AAK1: variants seen among roughly 807,000 people sequenced by gnomAD.
The protein encoded by AAK1 is AP2-associated protein kinase 1.
A neutral mutation model predicts 116.0 loss-of-function variants in AAK1; 37 were observed. The ratio of observed to expected loss-of-function variants is 0.32; its 90% confidence interval spans 0.25 to 0.42. The LOEUF (loss-of-function observed/expected upper bound fraction) is 0.42. Ranked by LOEUF, AAK1 falls within the 10% of genes least tolerant of loss-of-function variation. The pLI, the probability that AAK1 is intolerant of heterozygous loss-of-function variation, is 1.00. For synonymous variants in AAK1, 458 were observed against 439.9 expected, an observed-to-expected ratio of 1.04 and a Z score of -0.51; for missense variants, 919 against 1,170.6, an observed-to-expected ratio of 0.79 and a Z score of 3.14.
chr2:69,479,399 G>C (rs992291941), intron 19 of AAK1, among the ~76,000 whole-genome samples: 1 of 152,174 alleles, frequency 6.6e-6, no homozygotes, highest in African/African-American at 2.4e-5. Context: ...CATAGAAATA[G>C]AGGATAATTT....
chr2:69,596,381 C>T (rs1237774734), intron 2 of AAK1, among the ~76,000 whole-genome samples: 2 of 152,058 alleles, frequency 1.3e-5, no homozygotes, highest in African/African-American at 4.8e-5. Context: ...GCCACCACGC[C>T]CAGCTAATTT....
At position 69,475,554 on chromosome 2, in the gene AAK1, CT is replaced by C; in HGVS notation, c.*314del. 1 of 1,092,996 alleles carries C rather than the reference CT, an allele frequency of 9.1e-7. No individual in the cohort carries two copies. Among genetic ancestry groups the C allele is most frequent in the Non-Finnish European group, 1.1e-6 (1 of 897,832 alleles). The allele number at this position is 1,092,996 out of a possible 1,614,324, so 67.7% of individuals were successfully genotyped here. A position where few individuals can be genotyped will look rare whatever the true frequency, so the allele number is the denominator to read the frequency against. ...TTCACTAGTTTCAGTTACAGTTAAG[CT>C]TTTGGTGGAGTTGATTCCAGCAGAG... On this transcript the variant is annotated 3_prime_UTR_variant, in exon 22 of 22. Transcript: ENST00000409085.
In AAK1 at chr2:69,461,004, C is replaced by G. The variant is rs560170456; in HGVS notation, c.*14865G>C. 13 of 152,248 alleles carry G rather than the reference C, an allele frequency of 8.5e-5. No individual in the cohort carries two copies. The South Asian group carries it at 2.7e-3, about 32-fold the overall frequency. 9.4% of individuals were successfully genotyped at this position (152,248 alleles called of 1,614,324 possible). On this transcript the variant is annotated 3_prime_UTR_variant, in exon 22 of 22. Coordinates refer to ENST00000409085, the MANE Select transcript of AAK1 (RefSeq NM_014911.5). ...ATGTGTAAAGCAAAAACACAACAAA[C>G]GAAAACAAGAAAGTAGAGTTGTTTG...
At chr2:69,574,965 G>A (rs1672241816) in intron 2 of AAK1, among the ~76,000 whole-genome samples, 1 of 150,176 alleles carries the variant, frequency 6.7e-6, no homozygotes, top group African/African-American at 2.4e-5. Context: ...TCCAGCCTGG[G>A]TGACAGGGCG....
intron 2 of AAK1, among the ~76,000 whole-genome samples, chr2:69,629,501 T>C (rs1436352882): frequency 6.6e-6 from 1 of 152,254 alleles, no homozygotes; most frequent in Non-Finnish European, 1.5e-5. Flanking sequence ...TTCTGAAAGA[T>C]GTTCTACTTT....
At chr2:69,530,374 T>G (rs1320465665) in intron 7 of AAK1, among the ~76,000 whole-genome samples, 1 of 152,250 alleles carries the variant, frequency 6.6e-6, no homozygotes, top group Non-Finnish European at 1.5e-5. Flanking sequence ...TTACCTGTTT[T>G]GCTCTTAAGA....
chr2:69,524,863 C>T (rs1415621257), intron 10 of AAK1, among the ~76,000 whole-genome samples, 170 bp downstream of exon 10: 1 of 152,188 alleles, frequency 6.6e-6, no homozygotes, highest in Admixed American at 6.5e-5. Flanking sequence ...CATGATATTC[C>T]TTTTTGCATT....
In AAK1 at chr2:69,470,693, G is replaced by A. The variant is rs2104870696; in HGVS notation, c.*5176C>T. The A allele has an allele frequency of 3.0e-6, 3 of 985,476 alleles. No individual in the cohort carries two copies. Among genetic ancestry groups the A allele is most frequent in the East Asian group, 1.1e-4 (1 of 8,822 alleles). 61.0% of individuals were successfully genotyped at this position (985,476 alleles called of 1,614,324 possible). On this transcript the variant is annotated 3_prime_UTR_variant, in exon 22 of 22. Transcript: ENST00000409085. ...AACCCTGAGTCTGGTCATATCCAGTGTAGGCTGGCAGGCGTCTTATTCTCC... is the reference window on the plus strand; with the variant it reads ...AACCCTGAGTCTGGTCATATCCAGTATAGGCTGGCAGGCGTCTTATTCTCC...
intron 9 of AAK1, 43 bp from the exon 10 acceptor site, chr2:69,525,155 A>C: frequency 6.3e-7 from 1 of 1,587,898 alleles, no homozygotes; most frequent in South Asian, 1.1e-5. Context: ...AAAGGACATC[A>C]CAGATTTCTT....
At chr2:69,614,433 G>A (rs1674225722) in intron 2 of AAK1, among the ~76,000 whole-genome samples, 1 of 152,176 alleles carries the variant, frequency 6.6e-6, no homozygotes, top group African/African-American at 2.4e-5. Flanking sequence ...GCCCCGTGGA[G>A]CTGGCATTTC....
rs1053483719 is a variant in AAK1, at chr2:69,542,790, T to A, written c.392-125A>T. The stretch of plus-strand genomic sequence containing the variant: ...TAAGGTAACAGAGCTGACCACTGAC[T>A]GAGCCAGGATTAAAACCTAGTTGTC... On this transcript the variant is annotated intron_variant, in intron 4 of 21. Coordinates refer to ENST00000409085, the MANE Select transcript of AAK1 (RefSeq NM_014911.5). 4.7e-6 allele frequency: 5 copies of A among 1,067,562 alleles called. No homozygotes were observed. The African/African-American group carries it at 8.0e-5, about 17-fold the overall frequency. The allele number at this position is 1,067,562 out of a possible 1,614,324, so 66.1% of individuals were successfully genotyped here. A position where few individuals can be genotyped will look rare whatever the true frequency, so the allele number is the denominator to read the frequency against.
chr2:69,553,277 C>T (rs1319375754), intron 3 of AAK1, among the ~76,000 whole-genome samples: 1 of 152,010 alleles, frequency 6.6e-6, no homozygotes, highest in Non-Finnish European at 1.5e-5. Context: ...ACGGACTAGG[C>T]ATTAGAATGA....
intron 5 of AAK1, among the ~76,000 whole-genome samples, chr2:69,540,604 C>CA (rs1440561653): frequency 6.6e-6 from 1 of 152,168 alleles, no homozygotes; most frequent in Non-Finnish European, 1.5e-5. Context: ...AGGTCAATAA[C>CA]AAGTGTTGGT....
chr2:69,493,790 C>A lies in AAK1; in HGVS notation c.2365+2195G>T, dbSNP rs542400087. 2.6e-5 allele frequency among the ~76,000 whole-genome samples: 4 copies of A among 152,238 alleles called. No individual in the cohort carries two copies. In the East Asian group the frequency reaches 5.8e-4, roughly 22 times the overall value. ...TGAGCAGACGGCATTTAAGCTGAGA[C>A]CCACAGGTTGAATGACACAAGGGAA... is the stretch of plus-strand genomic sequence containing the variant. On this transcript the variant is annotated intron_variant, in intron 17 of 21. Coordinates refer to ENST00000409085, the MANE Select transcript of AAK1 (RefSeq NM_014911.5).
rs904678774 is a variant in AAK1 at position 69,474,856 on chromosome 2, G to A, written c.*1013C>T. 17 of 985,554 alleles carry A rather than the reference G, an allele frequency of 1.7e-5. No individual in the cohort carries two copies. In the African/African-American group the frequency reaches 2.6e-4, roughly 15 times the overall value. 61.1% of individuals were successfully genotyped at this position (985,554 alleles called of 1,614,324 possible). A position where few individuals can be genotyped will look rare whatever the true frequency, so the allele number is the denominator to read the frequency against. ...GATATCAGACTTGAAATGCCAAGTG[G>A]AAACAGAACTATTCAGCATCTTCAT... On this transcript the variant is annotated 3_prime_UTR_variant, in exon 22 of 22. Transcript: ENST00000409085.
intron 2 of AAK1, among the ~76,000 whole-genome samples, chr2:69,587,756 G>C (rs1215505477): frequency 1.3e-5 from 2 of 151,832 alleles, no homozygotes; most frequent in African/African-American, 4.8e-5. Flanking sequence ...GTAAGCCACT[G>C]CACCCAGTTG....
chr2:69,609,061 A>T (rs1383721121), intron 2 of AAK1, among the ~76,000 whole-genome samples: 1 of 152,210 alleles, frequency 6.6e-6, no homozygotes, highest in Non-Finnish European at 1.5e-5. Context: ...TACAGGTTCA[A>T]TGCCATCCCA....
rs1371289122 is a variant in AAK1, at chr2:69,465,530, A to G, written c.*10339T>C. 1 of 1,290,890 alleles carries G rather than the reference A, an allele frequency of 7.7e-7. No homozygotes were observed. The highest frequency in any genetic ancestry group is 1.5e-5 in the African/African-American group (1 of 65,878). The allele number at this position is 1,290,890 out of a possible 1,614,324, so 80.0% of individuals were successfully genotyped here. A position where few individuals can be genotyped will look rare whatever the true frequency, so the allele number is the denominator to read the frequency against. On this transcript the variant is annotated 3_prime_UTR_variant, in exon 22 of 22. Coordinates refer to ENST00000409085, the MANE Select transcript of AAK1 (RefSeq NM_014911.5). ...AAAGGGATGTGATAGAAACAGACCC[A>G]GCTATCGACTGCTTGTTGGTTTGTG...
At position 69,464,773 on chromosome 2, in the gene AAK1, C is replaced by CT. The variant is rs1674435119; in HGVS notation, c.*11095dup. ...ATCTGCCTGTATCTCTACACAGGCTCTGACGTACATTCCACACCCATAGAC... is the reference window on the plus strand; with the variant it reads ...ATCTGCCTGTATCTCTACACAGGCTCTTGACGTACATTCCACACCCATAGAC... On this transcript the variant is annotated 3_prime_UTR_variant, in exon 22 of 22. Coordinates refer to ENST00000409085, the MANE Select transcript of AAK1 (RefSeq NM_014911.5). 6.6e-6 allele frequency: 1 copy of CT among 152,598 alleles called. No individual in the cohort carries two copies. Among genetic ancestry groups the CT allele is most frequent in the Non-Finnish European group, 1.5e-5 (1 of 68,204 alleles). The allele number at this position is 152,598 out of a possible 1,614,324, so 9.5% of individuals were successfully genotyped here. A position where few individuals can be genotyped will look rare whatever the true frequency, so the allele number is the denominator to read the frequency against.
Sources: allele counts gnomAD v4.1 joint callset (sites outside exome capture counted in the v4.1 genomes callset), GRCh38; gene constraint gnomAD v4.1.1; transcripts MANE v1.5; gene names NCBI Gene and HGNC (gene_info 2026-07-23, HGNC 2026-07-21).